Variants in MIPOL1 observed in about 807,000 individuals in gnomAD.
MIPOL1 encodes mirror-image polydactyly 1.
In MIPOL1, 57 loss-of-function variants were observed where a neutral mutation model predicts 60.9. That is an observed-to-expected ratio of 0.94 (90% CI 0.76 to 1.17). The LOEUF (loss-of-function observed/expected upper bound fraction) is 1.17. Among genes scored for constraint, MIPOL1 ranks in the 50% most tolerant of loss-of-function variants. The probability of loss-of-function intolerance (pLI) is 0.00; values close to 1 mark genes in which losing one functional copy is unlikely to be tolerated. For synonymous variants in MIPOL1, 179 were observed against 168.8 expected (o/e 1.06, Z -0.47); for missense variants, 551 against 511.6 (o/e 1.08, Z -0.74).
chr14:37,317,164 G>C (rs1274734895), intron 9 of MIPOL1, among the ~76,000 whole-genome samples: 1 of 152,136 alleles, frequency 6.6e-6, no homozygotes, highest in Non-Finnish European at 1.5e-5. Context: ...CTGGCAAGTT[G>C]ATAAATTTAG....
intron 9 of MIPOL1, among the ~76,000 whole-genome samples, chr14:37,357,293 G>A (rs1264366520): frequency 1.3e-5 from 2 of 152,236 alleles, no homozygotes; most frequent in African/African-American, 4.8e-5. Flanking sequence ...TTCCTATGCT[G>A]TGCAGATTTT....
intron 11 of MIPOL1, among the ~76,000 whole-genome samples, chr14:37,474,923 T>G (rs1232101875): frequency 6.6e-6 from 1 of 152,204 alleles, no homozygotes; most frequent in Non-Finnish European, 1.5e-5. Flanking sequence ...ATATTTTCTT[T>G]GCTTAAGTGT....
intron 11 of MIPOL1, among the ~76,000 whole-genome samples, chr14:37,466,749 A>C (rs2094603365): frequency 2.6e-5 from 4 of 152,200 alleles, no homozygotes. Flanking sequence ...AGGCCAGGCA[A>C]ATCAGTTGAG....
At chr14:37,382,657 A>G (rs909229259) in intron 10 of MIPOL1, among the ~76,000 whole-genome samples, 3 of 152,016 alleles carry the variant, frequency 2.0e-5, no homozygotes, top group Admixed American at 6.6e-5. Context: ...TATGTCCTCT[A>G]TAACAAAATG....
intron 9 of MIPOL1, among the ~76,000 whole-genome samples, chr14:37,339,674 T>G (rs1175990706): frequency 6.6e-6 from 1 of 152,150 alleles, no homozygotes; most frequent in African/African-American, 2.4e-5. Context: ...TCTCACAGTC[T>G]CTCACACACA....
At chr14:37,456,813 A>G (rs1053140923) in intron 11 of MIPOL1, among the ~76,000 whole-genome samples, 1 of 152,132 alleles carries the variant, frequency 6.6e-6, no homozygotes, top group Non-Finnish European at 1.5e-5. Context: ...TTAATATGAA[A>G]AAAGCTCATT....
At position 37,248,634 on chromosome 14, in the gene MIPOL1, A is replaced by G. The variant is rs59526910; in HGVS notation, c.19+727A>G. Among the ~76,000 whole-genome samples, 1,502 of 151,922 alleles carry G rather than the reference A, an allele frequency of 9.9e-3. 21 individuals carry two copies. Among genetic ancestry groups the G allele is most frequent in the African/African-American group, 0.035 (1,436 of 41,416 alleles). ...GATACAGATATCTATATCTATATCT[A>G]TATATATATCTCTCTCTCTCCTCAC... On this transcript the variant is annotated intron_variant, in intron 3 of 12. Transcript: ENST00000684589.
chr14:37,278,672 G>T (rs962269976), intron 6 of MIPOL1: 4 of 151,676 alleles, frequency 2.6e-5, no homozygotes, highest in African/African-American at 9.7e-5. Context: ...TCTTTTTCCT[G>T]TGAAATGTCT....
At chr14:37,291,166 A>G (rs2085023773) in intron 7 of MIPOL1, among the ~76,000 whole-genome samples, 1 of 152,092 alleles carries the variant, frequency 6.6e-6, no homozygotes, top group Non-Finnish European at 1.5e-5. Context: ...GCTTCAAGCA[A>G]TCCTCCCTTG....
chr14:37,443,671 T>A (rs1275720699), intron 11 of MIPOL1, among the ~76,000 whole-genome samples: 1 of 151,310 alleles, frequency 6.6e-6, no homozygotes, highest in African/African-American at 2.4e-5. Flanking sequence ...TAACATCTGT[T>A]TTACATTAGT....
At chr14:37,364,914 A>C (rs190985668) in intron 9 of MIPOL1, among the ~76,000 whole-genome samples, 11 of 151,952 alleles carry the variant, frequency 7.2e-5, no homozygotes, top group Non-Finnish European at 1.2e-4. Flanking sequence ...AGTGTTTTAT[A>C]GTTTTCTTTG....
intron 10 of MIPOL1, among the ~76,000 whole-genome samples, chr14:37,417,838 G>T (rs901810345): frequency 2.0e-5 from 3 of 152,120 alleles, no homozygotes; most frequent in Non-Finnish European, 4.4e-5. Flanking sequence ...ATATTGAAAT[G>T]TGGTCTTCTA....
At chr14:37,450,686 T>C (rs529784431) in intron 11 of MIPOL1, among the ~76,000 whole-genome samples, 53 of 152,150 alleles carry the variant, frequency 3.5e-4, no homozygotes, top group Non-Finnish European at 7.1e-4. Context: ...TAGTTTTCTC[T>C]TTCGTTTTTC....
intron 3 of MIPOL1, chr14:37,265,420 T>C (rs191608227): frequency 2.6e-5 from 4 of 152,316 alleles, no homozygotes; most frequent in Non-Finnish European, 4.4e-5. Context: ...GAGTGTTTGT[T>C]TCTTATTCAT....
intron 11 of MIPOL1, among the ~76,000 whole-genome samples, chr14:37,473,690 G>A (rs2094723536): frequency 6.6e-6 from 1 of 152,126 alleles, no homozygotes; most frequent in African/African-American, 2.4e-5. Flanking sequence ...GTCTTGTATT[G>A]ATGTGGCACA....
At chr14:37,490,291 C>T (rs917478152) in intron 11 of MIPOL1, among the ~76,000 whole-genome samples, 4 of 152,098 alleles carry the variant, frequency 2.6e-5, no homozygotes, top group Non-Finnish European at 1.5e-5. Context: ...CAATGGTGAA[C>T]CCCCCTCCCC....
chr14:37,535,613 A>G (rs952605123), intron 12 of MIPOL1, among the ~76,000 whole-genome samples: 6 of 152,226 alleles, frequency 3.9e-5, no homozygotes, highest in African/African-American at 1.4e-4. Flanking sequence ...ATAACTTGCT[A>G]TGGATGAAAA....
chr14:37,292,465 CTTTTTTTT>C (rs34055899), intron 7 of MIPOL1, among the ~76,000 whole-genome samples: 1 of 63,442 alleles, frequency 1.6e-5, no homozygotes, highest in Admixed American at 2.4e-4. Context: ...CCTTAATAAA[CTTTTTTTT>C]TTTTTTTTTT....
chr14:37,271,399 G>C (rs953783907), intron 6 of MIPOL1, among the ~76,000 whole-genome samples: 1 of 151,956 alleles, frequency 6.6e-6, no homozygotes, highest in Non-Finnish European at 1.5e-5. Context: ...TGCTTTACAA[G>C]TCACTTAATG....
Sources: gnomAD v4.1 joint callset for allele counts (sites outside exome capture counted in the v4.1 genomes callset) on GRCh38, gnomAD v4.1.1 for gene constraint, MANE v1.5 for transcripts, NCBI Gene and HGNC (gene_info 2026-07-23, HGNC 2026-07-21) for gene names.